The following PYGO1 variants were observed in gnomAD, a reference collection of about 807,000 sequenced individuals.
PYGO1 encodes the protein pygopus family PHD finger 1.
PYGO1 carries 6 observed loss-of-function variants against 29.5 expected under a neutral mutation model. The ratio of observed to expected loss-of-function variants is 0.20; its 90% CI spans 0.11 to 0.40. The LOEUF (loss-of-function observed/expected upper bound fraction) is 0.40. Among genes scored for constraint, PYGO1 ranks in the 10% least tolerant of loss-of-function variants. The pLI, the probability that PYGO1 is intolerant of heterozygous loss-of-function variation, is 1.00. For missense variants in PYGO1, 515 were observed against 514.9 expected (o/e 1.00, Z 0.00); for synonymous variants, 186 against 180.5 (o/e 1.03, Z -0.24).
At chr15:55,558,229 T>C (rs1281877783) in intron 1 of PYGO1, among the ~76,000 whole-genome samples, 9 of 152,176 alleles carry the variant, frequency 5.9e-5, no homozygotes, top group Admixed American at 1.3e-4. Context: ...AGCCAAATCA[T>C]GAGTGAACTC....
chr15:55,554,325 AG>A (rs2141652118), intron 1 of PYGO1, among the ~76,000 whole-genome samples: 1 of 151,916 alleles, frequency 6.6e-6, no homozygotes, highest in African/African-American at 2.4e-5. Flanking sequence ...AAAAATTATC[AG>A]GGTGTGGTGG....
intron 1 of PYGO1, among the ~76,000 whole-genome samples, chr15:55,550,061 T>C (rs113597788): frequency 5.1e-4 from 78 of 152,306 alleles, no homozygotes; most frequent in African/African-American, 1.8e-3. Flanking sequence ...TTAACAATAA[T>C]CCTTCATATA....
chr15:55,574,786 A>C (rs2058994573), intron 1 of PYGO1, among the ~76,000 whole-genome samples: 1 of 152,200 alleles, frequency 6.6e-6, no homozygotes, highest in Non-Finnish European at 1.5e-5. Context: ...ATCCACAGGC[A>C]ATAAATGTTT....
At chr15:55,576,760 C>CAA in intron 1 of PYGO1, among the ~76,000 whole-genome samples, 1 of 53,544 alleles carries the variant, frequency 1.9e-5, no homozygotes, top group East Asian at 3.3e-4. Context: ...GGCGACAGAT[C>CAA]AAAAAAAAGA....
At chr15:55,580,713 T>C (rs1438913) in intron 1 of PYGO1, among the ~76,000 whole-genome samples, 2 of 152,086 alleles carry the variant, frequency 1.3e-5, no homozygotes, top group African/African-American at 2.4e-5. Context: ...TTTCTCATTA[T>C]TGCAGTTAGC....
intron 1 of PYGO1, among the ~76,000 whole-genome samples, chr15:55,574,992 T>C (rs2141672061): frequency 6.6e-6 from 1 of 152,324 alleles, no homozygotes; most frequent in South Asian, 2.1e-4. Context: ...TGTCAGATAC[T>C]GGGATAAGCA....
intron 1 of PYGO1, among the ~76,000 whole-genome samples, chr15:55,584,570 T>C (rs570124454): frequency 2.6e-5 from 4 of 152,308 alleles, no homozygotes; most frequent in South Asian, 2.1e-4. Context: ...ACGATGGCAG[T>C]TGACATTCTA....
intron 1 of PYGO1, among the ~76,000 whole-genome samples, chr15:55,583,654 C>T (rs934330270): frequency 3.9e-5 from 6 of 152,034 alleles, no homozygotes; most frequent in African/African-American, 1.4e-4. Flanking sequence ...GTAGCTGGGA[C>T]TACGGGTGCA....
chr15:55,548,295 T>C (rs2058861624), intron 2 of PYGO1, among the ~76,000 whole-genome samples: 1 of 152,008 alleles, frequency 6.6e-6, no homozygotes, highest in Non-Finnish European at 1.5e-5. Context: ...GCTGGGATTA[T>C]AGGCATGAGC....
chr15:55,557,352 T>C (rs2058910839), intron 1 of PYGO1, among the ~76,000 whole-genome samples: 1 of 152,158 alleles, frequency 6.6e-6, no homozygotes, highest in Non-Finnish European at 1.5e-5. Flanking sequence ...CAATAATTAA[T>C]AGCCTACCAA....
rs894941788 is a variant in PYGO1 at position 55,587,983 on chromosome 15, G to A, written c.-100C>T. 5 of 1,413,172 alleles carry A rather than the reference G, an allele frequency of 3.5e-6. No individual in the cohort carries two copies. Among genetic ancestry groups the A allele is most frequent in the South Asian group, 1.4e-5 (1 of 70,798 alleles). The allele number at this position is 1,413,172 out of a possible 1,614,324, so 87.5% of individuals were successfully genotyped here. A position where few individuals can be genotyped will look rare whatever the true frequency, so the allele number is the denominator to read the frequency against. ...CTCCTCGCGGGGCCGCTGCGGCTGC[G>A]AGGCAAGCCTCGGAGCCGAGGCACG... On this transcript the variant is annotated 5_prime_UTR_variant, in exon 1 of 3. Transcript: ENST00000563719.
At chr15:55,556,164 T>C (rs557680081) in intron 1 of PYGO1, among the ~76,000 whole-genome samples, 1 of 152,250 alleles carries the variant, frequency 6.6e-6, no homozygotes, top group Non-Finnish European at 1.5e-5. Context: ...ACCTGATAGA[T>C]ATATACAGAA....
intron 1 of PYGO1, among the ~76,000 whole-genome samples, chr15:55,580,713 T>A (rs1438913): frequency 0.38 from 57,160 of 152,158 alleles, 13,857 homozygotes; most frequent in Non-Finnish European, 0.55. Context: ...TTTCTCATTA[T>A]TGCAGTTAGC....
rs1567050565 is a variant in PYGO1 at position 55,548,919 on chromosome 15, T to TG, written c.125dup (p.Asn43LysfsTer12). ...GAAAATGTCAGTTTACCTGTGTATT[T>TG]GCCTTGCGCTTTTTCTTATCTGGGC... On this transcript the variant is annotated frameshift_variant, in exon 2 of 3. Coordinates refer to ENST00000563719, the MANE Select transcript of PYGO1 (RefSeq NM_001367806.1). LOFTEE classifies it high-confidence loss of function. 6.2e-7 allele frequency: 1 copy of TG among 1,612,410 alleles called. No individual in the cohort carries two copies. Among genetic ancestry groups the TG allele is most frequent in the East Asian group, 2.2e-5 (1 of 44,766 alleles).
At chr15:55,579,660 C>T (rs2059017952) in intron 1 of PYGO1, among the ~76,000 whole-genome samples, 1 of 152,126 alleles carries the variant, frequency 6.6e-6, no homozygotes, top group South Asian at 2.1e-4. Flanking sequence ...AGATTACAGG[C>T]ATAAACCACC....
intron 1 of PYGO1, among the ~76,000 whole-genome samples, chr15:55,574,835 C>T (rs958237866): frequency 2.6e-5 from 4 of 152,006 alleles, no homozygotes; most frequent in Non-Finnish European, 5.9e-5. Flanking sequence ...TGTTTTTGTT[C>T]GTTCCTTCAT....
chr15:55,586,949 A>G (rs2059049249), intron 1 of PYGO1, among the ~76,000 whole-genome samples: 1 of 152,202 alleles, frequency 6.6e-6, no homozygotes, highest in Non-Finnish European at 1.5e-5. Context: ...TACTGGATGA[A>G]GATTGTCTAT....
At chr15:55,568,817 CA>C (rs1458864557) in intron 1 of PYGO1, among the ~76,000 whole-genome samples, 13 of 152,040 alleles carry the variant, frequency 8.6e-5, no homozygotes, top group African/African-American at 2.9e-4. Context: ...TAGATTTTAT[CA>C]AAAGCTTTTT....
rs34019561 is a variant in PYGO1, at chr15:55,562,670, C to CA, written c.50-13676dup. Among the ~76,000 whole-genome samples the CA allele has an allele frequency of 6.7e-5, 10 of 148,978 alleles. No individual in the cohort carries two copies. The East Asian group carries it at 9.9e-4, about 15-fold the overall frequency. ...TGGGTGACAGAGCAAGACTCCAACT[C>CA]AAAAAAAAAAAAGAAAAATCCACAC... On this transcript the variant is annotated intron_variant, in intron 1 of 2. Transcript: ENST00000563719.
Sources: allele counts gnomAD v4.1 joint callset (sites outside exome capture counted in the v4.1 genomes callset), GRCh38; gene constraint gnomAD v4.1.1; transcripts MANE v1.5; gene names NCBI Gene and HGNC (gene_info 2026-07-23, HGNC 2026-07-21).